HS6ST2: variants seen among roughly 807,000 people sequenced by gnomAD.
HS6ST2 encodes the protein heparan-sulfate 6-O-sulfotransferase 2.
A neutral mutation model predicts 33.0 loss-of-function variants in HS6ST2; 17 were observed. That is an observed-to-expected ratio of 0.52 (90% CI 0.35 to 0.77). The LOEUF (loss-of-function observed/expected upper bound fraction) is 0.77. HS6ST2 is among the 30% of genes least tolerant of loss of function. The pLI is 0.01. For missense variants in HS6ST2, 519 were observed against 551.7 expected (o/e 0.94, Z 0.59); for synonymous variants, 248 against 237.1 (o/e 1.05, Z -0.42).
chrX:132,940,012 A>G (rs976356111), intron 2 of HS6ST2, among the ~76,000 whole-genome samples: 3 of 112,350 alleles, frequency 2.7e-5, no homozygotes, highest in Non-Finnish European at 5.6e-5. Context: ...GAAAGAAAAA[A>G]TAAATAAAAG....
At chrX:132,664,527 G>T (rs2063796513) in intron 4 of HS6ST2, among the ~76,000 whole-genome samples, 1 of 112,011 alleles carries the variant, frequency 8.9e-6, no homozygotes, top group Admixed American at 9.5e-5. Flanking sequence ...GATTTGTGGA[G>T]TAAGCAGGGT....
chrX:132,910,637 A>G (rs1602857899), intron 2 of HS6ST2, among the ~76,000 whole-genome samples: 1 of 112,093 alleles, frequency 8.9e-6, no homozygotes. Context: ...TTTTATGCCT[A>G]TCAGACATAA....
intron 2 of HS6ST2, among the ~76,000 whole-genome samples, chrX:132,763,621 T>C (rs1026697566): frequency 4.5e-5 from 5 of 112,055 alleles, no homozygotes; most frequent in Non-Finnish European, 3.8e-5. Flanking sequence ...CCATCAGTTT[T>C]AGGCATCATC....
intron 2 of HS6ST2, among the ~76,000 whole-genome samples, chrX:132,739,992 T>A (rs2064554240): frequency 9.0e-6 from 1 of 111,535 alleles, no homozygotes; most frequent in African/African-American, 3.3e-5. Context: ...TAGTGTCTGA[T>A]GAATTCTTTA....
chrX:132,739,328 T>A (rs1242148291), intron 2 of HS6ST2, among the ~76,000 whole-genome samples: 2 of 111,340 alleles, frequency 1.8e-5, no homozygotes, highest in African/African-American at 3.3e-5. Context: ...CAAGGTCCTT[T>A]TAAGTTCTAA....
chrX:132,862,167 T>C (rs1352624210), intron 2 of HS6ST2, among the ~76,000 whole-genome samples: 1 of 112,434 alleles, frequency 8.9e-6, no homozygotes, highest in Non-Finnish European at 1.9e-5. Context: ...CACAGTAATA[T>C]AAGAATATAA....
At chrX:132,644,177 G>C (rs924377956) in intron 4 of HS6ST2, among the ~76,000 whole-genome samples, 2 of 104,762 alleles carry the variant, frequency 1.9e-5, no homozygotes, top group Non-Finnish European at 3.9e-5. Context: ...GCGAGGGAGA[G>C]AGAAAGGACA....
intron 3 of HS6ST2, among the ~76,000 whole-genome samples, chrX:132,685,498 G>T (rs896371046): frequency 2.7e-5 from 3 of 111,397 alleles, no homozygotes; most frequent in Non-Finnish European, 5.7e-5. Context: ...GCGCACGAGG[G>T]CCTGTGTTGT....
At chrX:132,866,119 C>G (rs1260599083) in intron 2 of HS6ST2, among the ~76,000 whole-genome samples, 1 of 110,116 alleles carries the variant, frequency 9.1e-6, no homozygotes, top group Admixed American at 9.7e-5. Context: ...TTAGGTCTAA[C>G]GTTTAAGTCT....
intron 2 of HS6ST2, among the ~76,000 whole-genome samples, chrX:132,794,565 G>GATT (rs1292978481): frequency 3.1e-5 from 3 of 97,332 alleles, no homozygotes; most frequent in African/African-American, 1.3e-4. Flanking sequence ...GGATGATGAT[G>GATT]ATGATGATGA....
chrX:132,809,382 A>G (rs941585912), intron 2 of HS6ST2, among the ~76,000 whole-genome samples: 6 of 112,281 alleles, frequency 5.3e-5, no homozygotes, highest in Non-Finnish European at 9.4e-5. Flanking sequence ...ATCCTGCTCA[A>G]TCAGAATCTC....
chrX:132,663,798 C>T (rs1033469068), intron 4 of HS6ST2, among the ~76,000 whole-genome samples: 1 of 112,031 alleles, frequency 8.9e-6, no homozygotes, highest in Non-Finnish European at 1.9e-5. Flanking sequence ...TTCATACACA[C>T]ACAGTGGCAA....
chrX:132,684,475 T>C (rs765939529), intron 3 of HS6ST2, among the ~76,000 whole-genome samples: 160 of 109,697 alleles, frequency 1.5e-3, no homozygotes, highest in Non-Finnish European at 2.5e-3. Context: ...TAAGCTAAAG[T>C]GGCAAATGGG....
chrX:132,815,703 T>C (rs2065387578), intron 2 of HS6ST2, among the ~76,000 whole-genome samples: 1 of 111,811 alleles, frequency 8.9e-6, no homozygotes, highest in Non-Finnish European at 1.9e-5. Flanking sequence ...CCTCTCAATA[T>C]CAACATTCTA....
rs543240930 is a variant in HS6ST2 at position 132,926,808 on chromosome X, A to T, written c.947+30000T>A. Among the ~76,000 whole-genome samples, 8 of 111,808 alleles carry T rather than the reference A, an allele frequency of 7.2e-5. No homozygotes were observed. The East Asian group carries it at 2.3e-3, about 32-fold the overall frequency. ...CATGGTGGTGTGTGCCTGTAATCCC[A>T]GCTACTCGGGAGGCCGAGGCAGGAG... On this transcript the variant is annotated intron_variant, in intron 2 of 4. Coordinates refer to ENST00000370833, the MANE Select transcript of HS6ST2 (RefSeq NM_001394073.1).
chrX:132,728,032 T>C (rs2064413790), intron 2 of HS6ST2, among the ~76,000 whole-genome samples: 1 of 112,249 alleles, frequency 8.9e-6, no homozygotes, highest in African/African-American at 3.2e-5. Context: ...GTTTTGTTTA[T>C]CCATTCATCC....
intron 2 of HS6ST2, among the ~76,000 whole-genome samples, chrX:132,889,550 A>C (rs1359234384): frequency 1.8e-5 from 2 of 111,575 alleles, no homozygotes; most frequent in Non-Finnish European, 3.8e-5. Context: ...TATGTAGTCC[A>C]AGATGAATGT....
chrX:132,693,304 C>T (rs1445270857), intron 3 of HS6ST2, among the ~76,000 whole-genome samples: 1 of 112,103 alleles, frequency 8.9e-6, no homozygotes, highest in Non-Finnish European at 1.9e-5. Flanking sequence ...AGTCCTGCCA[C>T]GGCTTCCTAG....
chrX:132,956,315 A>T (rs1376562387), intron 2 of HS6ST2, among the ~76,000 whole-genome samples: 1 of 105,603 alleles, frequency 9.5e-6, no homozygotes, highest in Non-Finnish European at 2.0e-5. Flanking sequence ...AGAGAGAAAG[A>T]GGGAGAACAA....
Sources: allele counts gnomAD v4.1 joint callset (sites outside exome capture counted in the v4.1 genomes callset), GRCh38; gene constraint gnomAD v4.1.1; transcripts MANE v1.5; gene names NCBI Gene and HGNC (gene_info 2026-07-23, HGNC 2026-07-21).